Variants in SGCD observed in about 807,000 individuals in gnomAD.
SGCD encodes delta-sarcoglycan.
In SGCD, 18 loss-of-function variants were observed where a neutral mutation model predicts 36.6. The observed-to-expected ratio is 0.49, with a 90% CI of 0.34 to 0.73. SGCD has a LOEUF of 0.73. SGCD is among the 30% of genes least tolerant of loss of function. The pLI is 0.01. For missense variants in SGCD, 387 were observed against 346.7 expected, an observed-to-expected ratio of 1.12 and a Z score of -0.92; for synonymous variants, 133 against 130.6, an observed-to-expected ratio of 1.02 and a Z score of -0.12.
At chr5:156,309,916 C>A (rs1767346023) in intron 3 of SGCD, among the ~76,000 whole-genome samples, 1 of 152,034 alleles carries the variant, frequency 6.6e-6, no homozygotes, top group African/African-American at 2.4e-5. Context: ...CCACACTTCC[C>A]TGTTTCATTG....
intron 1 of SGCD, among the ~76,000 whole-genome samples, chr5:156,017,498 T>C (rs1268364500): frequency 1.3e-5 from 2 of 151,920 alleles, no homozygotes; most frequent in African/African-American, 4.8e-5. Flanking sequence ...AGTTTTCTAA[T>C]TTTTCCTACA....
chr5:156,650,656 G>C (rs1763422917), intron 7 of SGCD, among the ~76,000 whole-genome samples: 2 of 152,076 alleles, frequency 1.3e-5, no homozygotes, highest in South Asian at 4.1e-4. Context: ...TTGCTGCAGA[G>C]GACATGATTT....
At chr5:156,672,884 C>A (rs1308325412) in intron 7 of SGCD, among the ~76,000 whole-genome samples, 2 of 152,142 alleles carry the variant, frequency 1.3e-5, no homozygotes, top group Admixed American at 1.3e-4. Context: ...TTTCTTGAAG[C>A]ACTCGTCTCT....
intron 4 of SGCD, among the ~76,000 whole-genome samples, chr5:156,537,459 C>CCACACACACACACACACACACACACA (rs769070218): frequency 7.9e-6 from 1 of 125,808 alleles, no homozygotes; most frequent in Non-Finnish European, 1.7e-5. Context: ...AAGGTAGCAG[C>CCACACACACACACACACACACACACA]CACACACACA....
At chr5:155,787,634 T>G in the SGCD span, among the ~76,000 whole-genome samples, 1 of 152,144 alleles carries the variant, frequency 6.6e-6, no homozygotes, top group South Asian at 2.1e-4. Context: ...TTCCTTATTT[T>G]CTTGGCTCAT....
At chr5:156,098,639 T>TACAC (rs35247485) in intron 1 of SGCD, among the ~76,000 whole-genome samples, 6,580 of 149,350 alleles carry the variant, frequency 0.044, 327 homozygotes, top group African/African-American at 0.12. Context: ...TGCATGTGTA[T>TACAC]ACACACACAC....
chr5:155,963,923 A>C (rs1757846225), intron 1 of SGCD, among the ~76,000 whole-genome samples: 1 of 152,146 alleles, frequency 6.6e-6, no homozygotes, highest in Non-Finnish European at 1.5e-5. Context: ...ACATCATTGC[A>C]GATGTTGAGT....
At chr5:156,236,668 T>G (rs756873133) in intron 3 of SGCD, among the ~76,000 whole-genome samples, 1 of 152,068 alleles carries the variant, frequency 6.6e-6, no homozygotes, top group Non-Finnish European at 1.5e-5. Flanking sequence ...CAGGATGGTC[T>G]CGATCTCCTG....
At chr5:155,818,708 A>C in the SGCD span, among the ~76,000 whole-genome samples, 1 of 151,938 alleles carries the variant, frequency 6.6e-6, no homozygotes, top group East Asian at 1.9e-4. Context: ...TTTTGTAGAG[A>C]TGGGGTCTCC....
intron 2 of SGCD, among the ~76,000 whole-genome samples, chr5:156,340,945 T>G (rs1228986531): frequency 6.6e-6 from 1 of 152,220 alleles, no homozygotes; most frequent in Non-Finnish European, 1.5e-5. Context: ...TTACCATATG[T>G]TTGCATGGAA....
chr5:156,128,628 C>A (rs1762237627), intron 3 of SGCD, among the ~76,000 whole-genome samples: 1 of 152,082 alleles, frequency 6.6e-6, no homozygotes, highest in Non-Finnish European at 1.5e-5. Flanking sequence ...GAGGTGGTTT[C>A]CCCCATGCTT....
intron 7 of SGCD, among the ~76,000 whole-genome samples, chr5:156,736,549 C>A (rs144795391): frequency 5.3e-4 from 80 of 152,110 alleles, no homozygotes; most frequent in African/African-American, 1.9e-3. Flanking sequence ...CAGAGGAATG[C>A]ACTAATCCTC....
intron 3 of SGCD, among the ~76,000 whole-genome samples, chr5:156,162,542 T>C (rs1330974385): frequency 6.6e-6 from 1 of 151,558 alleles, no homozygotes; most frequent in Admixed American, 6.6e-5. Flanking sequence ...CTCCCTTTTT[T>C]CTTTGGTCTC....
At chr5:156,667,710 C>G (rs1753109852) in intron 7 of SGCD, among the ~76,000 whole-genome samples, 1 of 152,206 alleles carries the variant, frequency 6.6e-6, no homozygotes, top group South Asian at 2.1e-4. Context: ...GGGCAAGTCT[C>G]TTAAGCTCTC....
intron 3 of SGCD, among the ~76,000 whole-genome samples, chr5:156,470,144 C>A (rs1754890717): frequency 6.6e-6 from 1 of 152,068 alleles, no homozygotes; most frequent in Non-Finnish European, 1.5e-5. Context: ...TGTAAACAAG[C>A]TTTCTTCAAA....
At chr5:156,509,844 C>T (rs546122772) in intron 4 of SGCD, among the ~76,000 whole-genome samples, 25 of 152,084 alleles carry the variant, frequency 1.6e-4, no homozygotes, top group African/African-American at 5.3e-4. Context: ...TTTATTTAGT[C>T]TTTATTTTTG....
the SGCD span, among the ~76,000 whole-genome samples, chr5:155,775,273 A>G: frequency 6.9e-4 from 105 of 152,272 alleles, 4 homozygotes; most frequent in East Asian, 0.019. Context: ...TGATTTGTCT[A>G]TTAGACTGTA....
chr5:156,611,142 G>C (rs572659875), intron 6 of SGCD, among the ~76,000 whole-genome samples: 1 of 152,318 alleles, frequency 6.6e-6, no homozygotes, highest in East Asian at 1.9e-4. Flanking sequence ...CTCACGCTGG[G>C]AGCTGTAGAC....
intron 3 of SGCD, among the ~76,000 whole-genome samples, chr5:156,259,298 G>T (rs72811745): frequency 2.0e-5 from 3 of 151,866 alleles, no homozygotes; most frequent in East Asian, 1.9e-4. Context: ...TGTGCCTATC[G>T]TTTTATTGGG....
Sources: allele counts gnomAD v4.1 joint callset (sites outside exome capture counted in the v4.1 genomes callset), GRCh38; gene constraint gnomAD v4.1.1; transcripts MANE v1.5; gene names NCBI Gene and HGNC (gene_info 2026-07-23, HGNC 2026-07-21).